DZIP1L: variants seen among roughly 807,000 people sequenced by gnomAD.
The protein encoded by DZIP1L is cilium assembly protein DZIP1L.
DZIP1L carries 90 observed loss-of-function variants against 88.7 expected under a neutral mutation model. The ratio of observed to expected loss-of-function variants is 1.02; its 90% CI spans 0.86 to 1.21. DZIP1L has a LOEUF of 1.21. DZIP1L is among the 50% of genes most tolerant of loss of function. The probability of loss-of-function intolerance (pLI) is 0.00; values close to 1 mark genes in which losing one functional copy is unlikely to be tolerated. For synonymous variants in DZIP1L, 363 were observed against 372.1 expected, an observed-to-expected ratio of 0.98 and a Z score of 0.28; for missense variants, 932 against 955.8, an observed-to-expected ratio of 0.98 and a Z score of 0.33.
intron 5 of DZIP1L, 72 bp from the exon 6 acceptor site, chr3:138,088,579 G>C (rs1944061028): frequency 9.2e-6 from 14 of 1,525,028 alleles, no homozygotes; most frequent in Non-Finnish European, 1.2e-5. Context: ...ACCCAGAACA[G>C]TGTCAGAGGG....
At chr3:138,100,370 T>G (rs1188020624) in intron 2 of DZIP1L, among the ~76,000 whole-genome samples, 1 of 152,238 alleles carries the variant, frequency 6.6e-6, no homozygotes, top group East Asian at 1.9e-4. Flanking sequence ...TGTCCTCTCT[T>G]GTCCTCAAGT....
Position 138,103,709 on chromosome 3 carries a change from C to CGCA in DZIP1L, c.260_262dup (p.Leu87dup). ...GTACTCAATGATGAGCTGCGCCAGGCGCAGCACCTTGAGCAGTGCCGGGTC... is the reference window on the plus strand; with the variant it reads ...GTACTCAATGATGAGCTGCGCCAGGCGCAGCAGCACCTTGAGCAGTGCCGGGTC... On this transcript the variant is annotated inframe_insertion, in exon 2 of 16. Coordinates refer to ENST00000327532, the MANE Select transcript of DZIP1L (RefSeq NM_173543.3). 6.2e-7 allele frequency: 1 copy of CGCA among 1,613,020 alleles called. No homozygotes were observed. Among genetic ancestry groups the CGCA allele is most frequent in the Non-Finnish European group, 8.5e-7 (1 of 1,179,996 alleles).
chr3:138,079,860 A>G (rs547687934), intron 10 of DZIP1L, among the ~76,000 whole-genome samples: 1 of 152,358 alleles, frequency 6.6e-6, no homozygotes, highest in Non-Finnish European at 1.5e-5. Flanking sequence ...TGAAATTGTC[A>G]TATCATTGCC....
chr3:138,077,784 G>A, intron 10 of DZIP1L, 152 bp from the exon 11 acceptor site: 1 of 1,106,106 alleles, frequency 9.0e-7, no homozygotes, highest in Non-Finnish European at 1.3e-6. Context: ...AAAGCAGCTT[G>A]CTCTCTGGGC....
chr3:138,099,757 G>T (rs1277122157), intron 2 of DZIP1L, among the ~76,000 whole-genome samples: 2 of 152,130 alleles, frequency 1.3e-5, no homozygotes, highest in Non-Finnish European at 2.9e-5. Context: ...TTCCTCTCTT[G>T]CAATGAGCTC....
rs762509054 is a variant in DZIP1L, at chr3:138,088,492, G to T, written c.886C>A (p.Gln296Lys). ...STLEEKLRAL[Q>K]SHSVMESKLG... Reference sequence around the variant, plus strand: ...TTGGACTCCATCACACTGTGGGACTGCAGTGCCCGCAGTTTCTGAAAAGGC... The same window carrying T: ...TTGGACTCCATCACACTGTGGGACTTCAGTGCCCGCAGTTTCTGAAAAGGC... Residue 296 changes from glutamine to lysine, a missense_variant, in exon 6 of 16, where the codon CAG becomes AAG. Gln to Lys is a moderately conservative substitution (Grantham distance 53). Coordinates refer to ENST00000327532, the MANE Select transcript of DZIP1L (RefSeq NM_173543.3). 1.2e-6 allele frequency: 2 copies of T among 1,613,018 alleles called. No individual in the cohort carries two copies. The highest frequency in any genetic ancestry group is 3.3e-5 in the Admixed American group (2 of 59,786).
Position 138,067,356 on chromosome 3 carries a change from C to A in DZIP1L, c.2002+175G>T, listed in dbSNP as rs567539952. Among the ~76,000 whole-genome samples the A allele has an allele frequency of 1.3e-5, 2 of 152,236 alleles. 1 individual carries two copies. The highest frequency in any genetic ancestry group is 4.1e-4 in the South Asian group (2 of 4,826). On this transcript the variant is annotated intron_variant, in intron 14 of 15. Transcript: ENST00000327532. ...TTCTCCTGATATCTCTGCTATCCCA[C>A]AAAAAAATATCTGAGGCGAAGGAGG...
rs528992730 is a variant in DZIP1L, at chr3:138,075,650, AG to A, written c.1422+1848del. Among the ~76,000 whole-genome samples the A allele has an allele frequency of 4.5e-3, 691 of 152,376 alleles. 7 individuals carry two copies. Among genetic ancestry groups the A allele is most frequent in the African/African-American group, 0.016 (667 of 41,590 alleles). On this transcript the variant is annotated intron_variant, in intron 11 of 15. Coordinates refer to ENST00000327532, the MANE Select transcript of DZIP1L (RefSeq NM_173543.3). ...CTATCAAAACCTCTGGGATACAGCA[AG>A]AGCAGTGCTAAGAGGAAAGTTCATG...
At chr3:138,096,245 A>T (rs1367991712) in intron 3 of DZIP1L, among the ~76,000 whole-genome samples, 1 of 152,222 alleles carries the variant, frequency 6.6e-6, no homozygotes, top group African/African-American at 2.4e-5. Context: ...AGTGATCTTA[A>T]GAACACATTT....
chr3:138,064,661 T>C lies in DZIP1L; in HGVS notation c.2109A>G (p.Pro703=), dbSNP rs1942815076. The change falls in exon 15 of 16, where the codon CCA becomes CCG. Residue 703 remains proline, a synonymous_variant. Transcript: ENST00000327532. ...VSLFFMPNAG[P]QRAATPGRKP... ...TCCTTCCTGGTGTGGCAGCCCTCTG[T>C]GGCCCAGCATTGGGCATAAAAAACA... is the stretch of plus-strand genomic sequence containing the variant. The C allele has an allele frequency of 2.5e-6, 4 of 1,614,182 alleles. No homozygotes were observed. Among genetic ancestry groups the C allele is most frequent in the Non-Finnish European group, 3.4e-6 (4 of 1,180,018 alleles).
chr3:138,066,549 G>GTCTA (rs1942911523), intron 14 of DZIP1L, among the ~76,000 whole-genome samples: 1 of 152,100 alleles, frequency 6.6e-6, no homozygotes, highest in Non-Finnish European at 1.5e-5. Context: ...CAGTCATAAT[G>GTCTA]TCTATGAGGC....
intron 3 of DZIP1L, 59 bp from the exon 4 acceptor site, chr3:138,095,042 G>C (rs1261461509): frequency 3.0e-5 from 48 of 1,609,832 alleles, no homozygotes; most frequent in African/African-American, 4.0e-5. Flanking sequence ...AGGGAGTGTA[G>C]TTTCTCACCT....
chr3:138,091,152 G>A (rs368980828), intron 5 of DZIP1L, among the ~76,000 whole-genome samples: 1 of 151,766 alleles, frequency 6.6e-6, no homozygotes, highest in South Asian at 2.1e-4. Context: ...GAGCCACTGC[G>A]CCCAGCCCAG....
At chr3:138,081,065 A>G (rs1943624179) in intron 9 of DZIP1L, among the ~76,000 whole-genome samples, 1 of 152,138 alleles carries the variant, frequency 6.6e-6, no homozygotes, top group East Asian at 1.9e-4. Context: ...ACGGCTGGGA[A>G]GGGGATGGGC....
At chr3:138,103,391 T>C (rs2042382749) in intron 2 of DZIP1L, 80 bp downstream of exon 2, 1 of 1,480,104 alleles carries the variant, frequency 6.8e-7, no homozygotes, top group Non-Finnish European at 9.1e-7. Flanking sequence ...GTCCCAGCAG[T>C]GCTGCCCAGT....
intron 14 of DZIP1L, 36 bp downstream of exon 14, chr3:138,067,495 T>C: frequency 6.5e-7 from 1 of 1,549,368 alleles, no homozygotes; most frequent in Non-Finnish European, 8.7e-7. Context: ...GCTACACCGG[T>C]GGTCCCAGCC....
chr3:138,077,947 G>A (rs1247121867), intron 10 of DZIP1L, among the ~76,000 whole-genome samples: 1 of 152,158 alleles, frequency 6.6e-6, no homozygotes, highest in African/African-American at 2.4e-5. Context: ...GCTCCCTCAA[G>A]TTTACTGTCT....
At chr3:138,107,618 C>G (rs2042534284) in intron 1 of DZIP1L, among the ~76,000 whole-genome samples, 1 of 152,164 alleles carries the variant, frequency 6.6e-6, no homozygotes, top group East Asian at 1.9e-4. Context: ...GACTCTGAAC[C>G]ACTCAACATT....
intron 13 of DZIP1L, 101 bp downstream of exon 13, chr3:138,068,050 C>T: frequency 9.4e-7 from 1 of 1,066,660 alleles, no homozygotes; most frequent in Non-Finnish European, 1.2e-6. Context: ...GTGTCTGCCC[C>T]CCTCCTATCT....
Sources: gnomAD v4.1 joint callset for allele counts (sites outside exome capture counted in the v4.1 genomes callset) on GRCh38, gnomAD v4.1.1 for gene constraint, MANE v1.5 for transcripts, NCBI Gene and HGNC (gene_info 2026-07-23, HGNC 2026-07-21) for gene names.